TDP2: variants seen among roughly 807,000 people sequenced by gnomAD.
TDP2 encodes 5'-Tyr-DNA phosphodiesterase.
TDP2 carries 38 observed loss-of-function variants against 42.8 expected under a neutral mutation model. The observed-to-expected ratio is 0.89, with a 90% CI of 0.68 to 1.16. The LOEUF (loss-of-function observed/expected upper bound fraction) is 1.16. TDP2 is among the 50% of genes most tolerant of loss of function. TDP2 has a pLI of 0.00. For missense variants in TDP2, 439 were observed against 439.3 expected (o/e 1.00, Z 0.01); for synonymous variants, 173 against 150.6 (o/e 1.15, Z -1.09).
chr6:24,650,779 A>G lies in TDP2; in HGVS notation c.*9T>C. On this transcript the variant is annotated 3_prime_UTR_variant, in exon 7 of 7. Coordinates refer to ENST00000378198, the MANE Select transcript of TDP2 (RefSeq NM_016614.3). ...ACAATCAGGGCAAAACCCACACTTG[A>G]AAAGCATTTTACAATATTATATCTA... 3.1e-6 allele frequency: 5 copies of G among 1,610,702 alleles called. No homozygotes were observed. The highest frequency in any genetic ancestry group is 4.2e-6 in the Non-Finnish European group (5 of 1,177,768).
chr6:24,663,090 AG>A (rs1778180771), intron 2 of TDP2, among the ~76,000 whole-genome samples: 1 of 152,170 alleles, frequency 6.6e-6, no homozygotes, highest in Admixed American at 6.5e-5. Flanking sequence ...TTTCCTCAAC[AG>A]GTGGACTGTC....
Position 24,657,981 on chromosome 6 carries a change from C to T in TDP2, c.426-78G>A, listed in dbSNP as rs1037819824. On this transcript the variant is annotated intron_variant, in intron 3 of 6. Coordinates refer to ENST00000378198, the MANE Select transcript of TDP2 (RefSeq NM_016614.3). ...AGCTACCTAAATGAAGGAAATCCCACAACATACCAAAAACAAAAAACCCTC... is the reference window on the plus strand; with the variant it reads ...AGCTACCTAAATGAAGGAAATCCCATAACATACCAAAAACAAAAAACCCTC... The T allele has an allele frequency of 4.8e-6, 5 of 1,033,082 alleles. No individual in the cohort carries two copies. The African/African-American group carries it at 8.4e-5, about 17-fold the overall frequency. The allele number at this position is 1,033,082 out of a possible 1,614,324, so 64.0% of individuals were successfully genotyped here.
intron 6 of TDP2, among the ~76,000 whole-genome samples, chr6:24,651,835 C>A (rs1777981048): frequency 6.6e-6 from 1 of 152,230 alleles, no homozygotes; most frequent in Admixed American, 6.5e-5. Context: ...GATCTGCCCA[C>A]CTCGGCCTCC....
chr6:24,650,827 A>G lies in TDP2; in HGVS notation c.1050T>C (p.Asp350=), dbSNP rs1562145772. 2 of 1,614,156 alleles carry G rather than the reference A, an allele frequency of 1.2e-6. No individual in the cohort carries two copies. The highest frequency in any genetic ancestry group is 8.5e-7 in the Non-Finnish European group (1 of 1,180,018). ...EKLDCGRFPS[D]HWGLLCNLDI... ...CTAAGTTGCACAGAAGACCCCAGTG[A>G]TCACTAGGAAATCTACCACAGTCCA... Residue 350 remains aspartate (D), a synonymous_variant, in exon 7 of 7, where the codon GAT becomes GAC. Transcript: ENST00000378198.
At chr6:24,660,781 A>G (rs1236024063) in intron 2 of TDP2, among the ~76,000 whole-genome samples, 2 of 151,856 alleles carry the variant, frequency 1.3e-5, no homozygotes, top group Non-Finnish European at 2.9e-5. Context: ...TCAATCCAGA[A>G]AAGTTTTTCA....
chr6:24,659,081 G>A (rs570828902), intron 2 of TDP2: 8 of 173,340 alleles, frequency 4.6e-5, no homozygotes, highest in Non-Finnish European at 8.6e-5. Flanking sequence ...CTGAATTCCA[G>A]CAGAAAGCTG....
At chr6:24,654,983 A>C (rs940942314) in intron 4 of TDP2, among the ~76,000 whole-genome samples, 2 of 152,254 alleles carry the variant, frequency 1.3e-5, no homozygotes, top group African/African-American at 4.8e-5. Context: ...GGTTGCGGTG[A>C]GCTGAGATCG....
At chr6:24,657,462 T>A (rs1438050666) in intron 4 of TDP2, among the ~76,000 whole-genome samples, 1 of 151,670 alleles carries the variant, frequency 6.6e-6, no homozygotes, top group African/African-American at 2.4e-5. Context: ...AACAACAAAA[T>A]AAATAAGGAA....
chr6:24,666,047 C>G, intron 2 of TDP2: 4 of 1,496,596 alleles, frequency 2.7e-6, no homozygotes, highest in African/African-American at 1.4e-5. Flanking sequence ...TTTTTAAGTG[C>G]AGGAACTGGA....
In TDP2 at chr6:24,650,467, G is replaced by T. The variant is rs1232008450; in HGVS notation, c.*321C>A. 3 of 240,440 alleles carry T rather than the reference G, an allele frequency of 1.2e-5. No homozygotes were observed. The South Asian group carries it at 2.9e-4, about 23-fold the overall frequency. 14.9% of individuals were successfully genotyped at this position (240,440 alleles called of 1,614,324 possible). A position where few individuals can be genotyped will look rare whatever the true frequency, so the allele number is the denominator to read the frequency against. On this transcript the variant is annotated 3_prime_UTR_variant, in exon 7 of 7. Coordinates refer to ENST00000378198, the MANE Select transcript of TDP2 (RefSeq NM_016614.3). ...TCAAATATTAACTATTTCGGTGCCTGAATGGAAAAATATAAACATTAGCTC... is the reference window on the plus strand; with the variant it reads ...TCAAATATTAACTATTTCGGTGCCTTAATGGAAAAATATAAACATTAGCTC...
rs747429858 is a variant in TDP2, at chr6:24,652,999, T to G, written c.791A>C (p.Asn264Thr). 6.2e-7 allele frequency: 1 copy of G among 1,613,666 alleles called. No homozygotes were observed. The highest frequency in any genetic ancestry group is 1.3e-5 in the African/African-American group (1 of 75,032). Reference protein sequence around the residue: ...SATVIFAGDTNLRDREVTRCG... With the variant: ...SATVIFAGDTTLRDREVTRCG... ...GTCACTCACCTCTCGATCCCTTAGA[T>G]TTGTATCTCCTGCAAATATAACTGT... The change falls in exon 6 of 7, where the codon AAT (asparagine) becomes ACT (threonine). Residue 264 changes from asparagine to threonine, a missense_variant. Coordinates refer to ENST00000378198, the MANE Select transcript of TDP2 (RefSeq NM_016614.3).
At chr6:24,663,159 A>G (rs775783970) in intron 2 of TDP2, among the ~76,000 whole-genome samples, 9 of 152,146 alleles carry the variant, frequency 5.9e-5, no homozygotes. Flanking sequence ...ATACTTACTG[A>G]GCTCTATATG....
At chr6:24,656,296 G>A (rs941810816) in intron 4 of TDP2, among the ~76,000 whole-genome samples, 3 of 151,994 alleles carry the variant, frequency 2.0e-5, no homozygotes, top group African/African-American at 7.3e-5. Flanking sequence ...AGGAGAATAA[G>A]AGAAAGTTAA....
In TDP2 at chr6:24,651,158, C is replaced by T. The variant is rs888481472; in HGVS notation, c.808-89G>A. 7.4e-6 allele frequency: 8 copies of T among 1,079,596 alleles called. No homozygotes were observed. The South Asian group carries it at 8.1e-5, about 11-fold the overall frequency. 66.9% of individuals were successfully genotyped at this position (1,079,596 alleles called of 1,614,324 possible). A position where few individuals can be genotyped will look rare whatever the true frequency, so the allele number is the denominator to read the frequency against. On this transcript the variant is annotated intron_variant, in intron 6 of 6. Coordinates refer to ENST00000378198, the MANE Select transcript of TDP2 (RefSeq NM_016614.3). ...AAAAAAAAAGGTGTTTTTGCTATTA[C>T]CGTGCAAGAAATTATTAATGCAGAA...
chr6:24,657,003 C>T (rs1260657430), intron 4 of TDP2, among the ~76,000 whole-genome samples: 9 of 152,056 alleles, frequency 5.9e-5, no homozygotes, highest in African/African-American at 1.9e-4. Context: ...TAGAAATTCT[C>T]GATTAAGGAG....
At chr6:24,652,059 T>C (rs1777984148) in intron 6 of TDP2, among the ~76,000 whole-genome samples, 1 of 152,214 alleles carries the variant, frequency 6.6e-6, no homozygotes, top group Non-Finnish European at 1.5e-5. Flanking sequence ...GCAAACACCA[T>C]TCTACTTTCT....
intron 2 of TDP2, among the ~76,000 whole-genome samples, chr6:24,662,317 G>A (rs1006474680): frequency 2.0e-5 from 3 of 151,996 alleles, no homozygotes; most frequent in African/African-American, 7.3e-5. Flanking sequence ...TCTCCTGCTC[G>A]TCCCTGGGAA....
At chr6:24,658,502 A>G in intron 3 of TDP2, 59 bp downstream of exon 3, 1 of 1,378,790 alleles carries the variant, frequency 7.3e-7, no homozygotes, top group Non-Finnish European at 9.9e-7. Context: ...ACAACCTTGA[A>G]CTGTTACTTT....
rs1406666673 is a variant in TDP2, at chr6:24,654,250, A to G, written c.636+162T>C. On this transcript the variant is annotated intron_variant, in intron 5 of 6. Transcript: ENST00000378198. Reference sequence around the variant, plus strand: ...AGAATTCTATCTGCATTTAAAATTTATGTAAAAAATTAATTTTAGAGAGTG... The same window carrying G: ...AGAATTCTATCTGCATTTAAAATTTGTGTAAAAAATTAATTTTAGAGAGTG... 3 of 424,524 alleles carry G rather than the reference A, an allele frequency of 7.1e-6. No homozygotes were observed. In the Admixed American group the frequency reaches 1.3e-4, roughly 18 times the overall value. 26.3% of individuals were successfully genotyped at this position (424,524 alleles called of 1,614,324 possible). A position where few individuals can be genotyped will look rare whatever the true frequency, so the allele number is the denominator to read the frequency against.
Sources: allele counts gnomAD v4.1 joint callset (sites outside exome capture counted in the v4.1 genomes callset), GRCh38; gene constraint gnomAD v4.1.1; transcripts MANE v1.5; gene names NCBI Gene and HGNC (gene_info 2026-07-23, HGNC 2026-07-21).